The following TNR variants were observed in gnomAD, a reference collection of about 807,000 sequenced individuals.
TNR encodes the protein tenascin-R.
Under a neutral mutation model 150.4 loss-of-function variants are expected in TNR, and 45 were observed. The ratio of observed to expected loss-of-function variants is 0.30; its 90% CI spans 0.24 to 0.38. The LOEUF is 0.38. Ranked by LOEUF, TNR falls within the 10% of genes least tolerant of loss-of-function variation. The pLI, the probability that TNR is intolerant of heterozygous loss-of-function variation, is 1.00. For synonymous variants in TNR, 687 were observed against 678.4 expected (o/e 1.01, Z -0.20); for missense variants, 1,544 against 1,759.1 (o/e 0.88, Z 2.19).
chr1:175,523,334 G>A (rs894338426), intron 2 of TNR, among the ~76,000 whole-genome samples: 1 of 152,236 alleles, frequency 6.6e-6, no homozygotes, highest in East Asian at 1.9e-4. Context: ...TTATGCAAAT[G>A]ATGAGCACTT....
intron 1 of TNR, among the ~76,000 whole-genome samples, chr1:175,719,599 C>T (rs370134883): frequency 6.6e-6 from 1 of 152,196 alleles, no homozygotes; most frequent in Non-Finnish European, 1.5e-5. Flanking sequence ...TTCAAAAACA[C>T]GTTCATTTGT....
chr1:175,579,535 T>C (rs1047629760), intron 1 of TNR, among the ~76,000 whole-genome samples: 1 of 151,518 alleles, frequency 6.6e-6, no homozygotes, highest in African/African-American at 2.4e-5. Context: ...AGCTGAGGAT[T>C]TGACAGAAGA....
intron 1 of TNR, among the ~76,000 whole-genome samples, chr1:175,605,112 C>T (rs990282297): frequency 2.0e-5 from 3 of 152,220 alleles, no homozygotes; most frequent in Non-Finnish European, 4.4e-5. Context: ...CTCATTCTCA[C>T]ATCAGGCAGC....
At chr1:175,447,051 G>A (rs780265148) in intron 2 of TNR, among the ~76,000 whole-genome samples, 15 of 152,164 alleles carry the variant, frequency 9.9e-5, no homozygotes, top group African/African-American at 2.4e-4. Context: ...GTGTGTTTGC[G>A]TGTATGTGCA....
chr1:175,509,998 G>A (rs546432885), intron 2 of TNR, among the ~76,000 whole-genome samples: 21 of 152,068 alleles, frequency 1.4e-4, no homozygotes, highest in African/African-American at 4.8e-4. Flanking sequence ...AGGATGAGGC[G>A]GGCAGATTGC....
At position 175,386,018 on chromosome 1, in the gene TNR, C is replaced by T; in HGVS notation, c.1777+14G>A. 6.4e-7 allele frequency: 1 copy of T among 1,552,546 alleles called. No individual in the cohort carries two copies. The highest frequency in any genetic ancestry group is 1.2e-5 in the South Asian group (1 of 83,634). ...TTTCCCTCCTTGTGCGTCTCTCCCC[C>T]ACCGCAGCCTTACCTGTTGTGAACT... On this transcript the variant is annotated intron_variant, in intron 8 of 22. Coordinates refer to ENST00000367674, the MANE Select transcript of TNR (RefSeq NM_003285.3).
At chr1:175,579,998 A>G (rs1045865897) in intron 1 of TNR, among the ~76,000 whole-genome samples, 3 of 152,156 alleles carry the variant, frequency 2.0e-5, no homozygotes, top group Non-Finnish European at 2.9e-5. Flanking sequence ...AAGGAAAGGA[A>G]AGCTGGAGAC....
At chr1:175,724,124 G>A (rs7544150) in intron 1 of TNR, among the ~76,000 whole-genome samples, 8,374 of 152,116 alleles carry the variant, frequency 0.055, 711 homozygotes, top group African/African-American at 0.18. Flanking sequence ...GAGGGTTTGC[G>A]ATCAGGATTG....
intron 2 of TNR, among the ~76,000 whole-genome samples, chr1:175,465,590 C>G (rs1571479440): frequency 6.6e-6 from 1 of 152,168 alleles, no homozygotes. Flanking sequence ...TTCTTAGGGT[C>G]AAGCCTCTCA....
chr1:175,713,939 CT>C (rs1437139849), intron 1 of TNR, among the ~76,000 whole-genome samples: 2 of 152,138 alleles, frequency 1.3e-5, no homozygotes, highest in Admixed American at 1.3e-4. Flanking sequence ...CGTAAATGTG[CT>C]TTATGTTTCT....
chr1:175,742,614 C>T (rs1667962664), intron 1 of TNR, among the ~76,000 whole-genome samples: 1 of 152,150 alleles, frequency 6.6e-6, no homozygotes. Flanking sequence ...ACCTGTTGCA[C>T]CTGCCCACTT....
intron 1 of TNR, among the ~76,000 whole-genome samples, chr1:175,732,607 G>A (rs1427914888): frequency 6.6e-6 from 1 of 152,194 alleles, no homozygotes; most frequent in African/African-American, 2.4e-5. Context: ...AGCTTATAAG[G>A]ACTGTCATTC....
chr1:175,710,971 G>T (rs1190502811), intron 1 of TNR, among the ~76,000 whole-genome samples: 1 of 150,588 alleles, frequency 6.6e-6, no homozygotes, highest in East Asian at 2.0e-4. Flanking sequence ...CATCAAAGGT[G>T]ATATACGGCA....
intron 1 of TNR, among the ~76,000 whole-genome samples, chr1:175,667,047 C>G (rs967940445): frequency 6.6e-6 from 1 of 152,148 alleles, no homozygotes; most frequent in South Asian, 2.1e-4. Context: ...GCCACCATAC[C>G]CAGCCACTCC....
chr1:175,338,801 C>G (rs752484832), intron 18 of TNR, among the ~76,000 whole-genome samples: 62 of 152,248 alleles, frequency 4.1e-4, no homozygotes, highest in Non-Finnish European at 6.5e-4. Flanking sequence ...CCCTGAGCAC[C>G]TAAGACCCCA....
chr1:175,459,454 C>T (rs150414398), intron 2 of TNR, among the ~76,000 whole-genome samples: 29 of 152,316 alleles, frequency 1.9e-4, no homozygotes, highest in African/African-American at 6.7e-4. Context: ...TTTATTTCTC[C>T]TGCTCTCTAA....
intron 2 of TNR, among the ~76,000 whole-genome samples, chr1:175,498,091 C>A (rs1434665833): frequency 3.3e-5 from 5 of 151,770 alleles, no homozygotes; most frequent in Admixed American, 6.6e-5. Context: ...ACAACAACAA[C>A]AAAAACAAAA....
chr1:175,631,572 A>C (rs997686304), intron 1 of TNR, among the ~76,000 whole-genome samples: 38 of 152,182 alleles, frequency 2.5e-4, no homozygotes, highest in Admixed American at 1.6e-3. Flanking sequence ...AATGTGGCCT[A>C]AGGAAGCTAA....
chr1:175,621,797 T>C (rs1395600063), intron 1 of TNR, among the ~76,000 whole-genome samples: 2 of 152,212 alleles, frequency 1.3e-5, no homozygotes, highest in Non-Finnish European at 2.9e-5. Flanking sequence ...ACATTCAACA[T>C]GTTTTGAATT....
Sources: allele counts gnomAD v4.1 joint callset (sites outside exome capture counted in the v4.1 genomes callset), GRCh38; gene constraint gnomAD v4.1.1; transcripts MANE v1.5; gene names NCBI Gene and HGNC (gene_info 2026-07-23, HGNC 2026-07-21).